Variants in EVA1C observed in about 807,000 individuals in gnomAD.
EVA1C encodes eva-1 homolog C, also known as protein eva-1 homolog C.
Under a neutral mutation model 45.4 loss-of-function variants are expected in EVA1C, and 25 were observed. The ratio of observed to expected loss-of-function variants is 0.55; its 90% CI spans 0.40 to 0.77. EVA1C has a LOEUF of 0.77. EVA1C is among the 30% of genes least tolerant of loss of function. The pLI is 0.00. For missense variants in EVA1C, 479 were observed against 554.8 expected (o/e 0.86, Z 1.37); for synonymous variants, 190 against 221.2 (o/e 0.86, Z 1.25).
rs1242107496 is a variant in EVA1C at position 32,448,429 on chromosome 21, C to T, written c.161-4883C>T. On this transcript the variant is annotated intron_variant, in intron 1 of 7. Coordinates refer to ENST00000300255, the MANE Select transcript of EVA1C (RefSeq NM_058187.5). Reference sequence around the variant, plus strand: ...CTGGGTGAGCTTTCACAAAGTAAAGCACATGCCTGCCATCAGATCAAGGAA... The same window carrying T: ...CTGGGTGAGCTTTCACAAAGTAAAGTACATGCCTGCCATCAGATCAAGGAA... 7.9e-5 allele frequency among the ~76,000 whole-genome samples: 12 copies of T among 152,176 alleles called. No homozygotes were observed. The South Asian group carries it at 8.3e-4, about 11-fold the overall frequency.
chr21:32,479,449 G>A (rs1312097757), intron 4 of EVA1C, among the ~76,000 whole-genome samples: 2 of 151,996 alleles, frequency 1.3e-5, no homozygotes, highest in Non-Finnish European at 2.9e-5. Context: ...CCAGAAAAAA[G>A]AAGCAGCAGA....
chr21:32,475,347 A>T (rs1195829906), intron 4 of EVA1C, among the ~76,000 whole-genome samples: 1 of 151,252 alleles, frequency 6.6e-6, no homozygotes, highest in East Asian at 2.0e-4. Context: ...AAATATCATC[A>T]TCATCATCAT....
At chr21:32,478,216 T>A (rs768574658) in intron 4 of EVA1C, among the ~76,000 whole-genome samples, 1 of 150,392 alleles carries the variant, frequency 6.6e-6, no homozygotes, top group Non-Finnish European at 1.5e-5. Flanking sequence ...TAATTAAGTT[T>A]TATATATATA....
chr21:32,473,893 C>T, intron 4 of EVA1C: 1 of 985,192 alleles, frequency 1.0e-6, no homozygotes, highest in Non-Finnish European at 1.2e-6. Flanking sequence ...ATCCTCAGGA[C>T]CCTTTGATTT....
At chr21:32,412,662 G>A (rs940388299), upstream of EVA1C, 8 of 442,980 alleles carry the variant, frequency 1.8e-5, no homozygotes, top group Non-Finnish European at 2.7e-5. Context: ...CCAGTTCTCC[G>A]CCCCCTCCCC....
At chr21:32,431,186 G>A (rs1438506460) in intron 1 of EVA1C, among the ~76,000 whole-genome samples, 1 of 152,188 alleles carries the variant, frequency 6.6e-6, no homozygotes, top group African/African-American at 2.4e-5. Flanking sequence ...TGGCCTCTGA[G>A]GCACTTCCTG....
intron 5 of EVA1C, chr21:32,496,779 C>T: frequency 1.4e-6 from 1 of 712,064 alleles, no homozygotes; most frequent in Non-Finnish European, 2.5e-6. Flanking sequence ...TGAGACACTG[C>T]TGGGCTGGGG....
At position 32,515,088 on chromosome 21, in the gene EVA1C, G is replaced by A; in HGVS notation, c.1224G>A (p.Glu408=). The A allele has an allele frequency of 1.2e-6, 2 of 1,614,162 alleles. No individual in the cohort carries two copies. Among genetic ancestry groups the A allele is most frequent in the Non-Finnish European group, 8.5e-7 (1 of 1,179,990 alleles). The change falls in exon 8 of 8, where the codon GAG becomes GAA. Residue 408 remains glutamate, a synonymous_variant. Coordinates refer to ENST00000300255, the MANE Select transcript of EVA1C (RefSeq NM_058187.5). ...TATACAGTTCCATAGAAGCTGCAGA[G>A]CTCGCAGAAAGGATTGAGCGCAGGG... ...YPIYSSIEAA[E]LAERIERREQ...
chr21:32,421,224 T>C (rs1201996264), intron 1 of EVA1C, among the ~76,000 whole-genome samples: 2 of 152,102 alleles, frequency 1.3e-5, no homozygotes, highest in East Asian at 3.8e-4. Context: ...GTGCTAACCC[T>C]ATGGCTACGT....
chr21:32,488,733 A>T (rs181600629), intron 4 of EVA1C, among the ~76,000 whole-genome samples: 1 of 151,932 alleles, frequency 6.6e-6, no homozygotes, highest in Non-Finnish European at 1.5e-5. Context: ...TTACAGGCAC[A>T]CGCCACCACA....
chr21:32,503,104 C>T (rs2037611202), intron 6 of EVA1C, among the ~76,000 whole-genome samples: 1 of 152,222 alleles, frequency 6.6e-6, no homozygotes. Flanking sequence ...TGCTAAGCTC[C>T]ATCCAGCAGT....
chr21:32,447,091 C>T (rs1329743613), intron 1 of EVA1C, among the ~76,000 whole-genome samples: 1 of 152,182 alleles, frequency 6.6e-6, no homozygotes, highest in Non-Finnish European at 1.5e-5. Context: ...CGGACCATAA[C>T]CCATGGTAAG....
intron 7 of EVA1C, among the ~76,000 whole-genome samples, chr21:32,505,284 G>C (rs1568952692): frequency 6.6e-6 from 1 of 152,036 alleles, no homozygotes; most frequent in Non-Finnish European, 1.5e-5. Flanking sequence ...GTGGTTGATG[G>C]TTTCTTCTGT....
chr21:32,412,629 T>G (rs908662512), upstream of EVA1C: 3 of 410,408 alleles, frequency 7.3e-6, no homozygotes, highest in East Asian at 7.6e-5. Flanking sequence ...ACGCGGATCC[T>G]TTTCGGGGAT....
intron 4 of EVA1C, among the ~76,000 whole-genome samples, chr21:32,483,645 C>G (rs1460615021): frequency 6.6e-6 from 1 of 152,142 alleles, no homozygotes; most frequent in Non-Finnish European, 1.5e-5. Context: ...AGCATAGATT[C>G]GATCTCACAG....
chr21:32,442,094 CTGAGAAATA>C (rs747453579), intron 1 of EVA1C, among the ~76,000 whole-genome samples: 49 of 152,160 alleles, frequency 3.2e-4, no homozygotes, highest in South Asian at 2.1e-4. Context: ...GTAGGGCAGG[CTGAGAAATA>C]TACTACTCCT....
chr21:32,475,879 T>TACTCTATCTATCTATC (rs1555867880), intron 4 of EVA1C, among the ~76,000 whole-genome samples: 11 of 100,536 alleles, frequency 1.1e-4, no homozygotes, highest in African/African-American at 4.2e-4. Flanking sequence ...TCTAAAAACT[T>TACTCTATCTATCTATC]TATCTATCTA....
At chr21:32,450,458 T>C (rs889476929) in intron 1 of EVA1C, among the ~76,000 whole-genome samples, 1 of 151,034 alleles carries the variant, frequency 6.6e-6, no homozygotes, top group Admixed American at 6.6e-5. Flanking sequence ...AAAGGCAAAC[T>C]CTGAAAATTG....
At chr21:32,499,590 G>C (rs1332486662) in intron 5 of EVA1C, among the ~76,000 whole-genome samples, 1 of 152,238 alleles carries the variant, frequency 6.6e-6, no homozygotes, top group Non-Finnish European at 1.5e-5. Flanking sequence ...TAAGCCCTCT[G>C]AGAGAGGAAA....
Sources: allele counts gnomAD v4.1 joint callset (sites outside exome capture counted in the v4.1 genomes callset), GRCh38; gene constraint gnomAD v4.1.1; transcripts MANE v1.5; gene names NCBI Gene and HGNC (gene_info 2026-07-23, HGNC 2026-07-21).